PPP2R5C: variants seen among roughly 807,000 people sequenced by gnomAD.
The protein encoded by PPP2R5C is protein phosphatase 2 regulatory subunit B'gamma, also known as serine/threonine-protein phosphatase 2A 56 kDa regulatory subunit gamma isoform.
A neutral mutation model predicts 68.9 loss-of-function variants in PPP2R5C; 7 were observed. The ratio of observed to expected loss-of-function variants is 0.10; its 90% CI spans 0.06 to 0.19. The LOEUF is 0.19. Among genes scored for constraint, PPP2R5C ranks in the 10% least tolerant of loss-of-function variants. The pLI, the probability that PPP2R5C is intolerant of heterozygous loss-of-function variation, is 1.00. For missense variants in PPP2R5C, 348 were observed against 641.3 expected (o/e 0.54, Z 4.94); for synonymous variants, 210 against 222.2 (o/e 0.95, Z 0.49).
intron 1 of PPP2R5C, among the ~76,000 whole-genome samples, chr14:101,852,911 T>G (rs2042243140): frequency 6.6e-6 from 1 of 152,182 alleles, no homozygotes; most frequent in African/African-American, 2.4e-5. Flanking sequence ...TCTTGAAATA[T>G]TTGGAAATTG....
At chr14:101,765,374 T>C (rs1732085143) in intron 2 of PPP2R5C, 5 of 644,944 alleles carry the variant, frequency 7.8e-6, no homozygotes, top group East Asian at 2.7e-5. Context: ...ATTATTGTTT[T>C]TTTTCCCCTC....
At chr14:101,810,994 T>C in intron 1 of PPP2R5C, among the ~76,000 whole-genome samples, 1 of 152,206 alleles carries the variant, frequency 6.6e-6, no homozygotes, top group East Asian at 1.9e-4. Flanking sequence ...CAAAACTGTT[T>C]CTCAGAATCT....
intron 1 of PPP2R5C, chr14:101,820,079 G>A (rs1249256611): frequency 6.6e-6 from 1 of 152,176 alleles, no homozygotes; most frequent in Non-Finnish European, 1.5e-5. Context: ...TATGAGAATA[G>A]TAATGTAAAA....
intron 1 of PPP2R5C, among the ~76,000 whole-genome samples, chr14:101,834,477 A>T (rs1832042344): frequency 6.6e-6 from 1 of 152,260 alleles, no homozygotes; most frequent in South Asian, 2.1e-4. Context: ...AGTTAATCTA[A>T]GGAGGCATTT....
chr14:101,865,730 C>T (rs181216443), intron 2 of PPP2R5C, among the ~76,000 whole-genome samples: 130 of 152,290 alleles, frequency 8.5e-4, no homozygotes, highest in African/African-American at 3.0e-3. Flanking sequence ...ACATGGAAAG[C>T]TTGGGCAGCC....
At chr14:101,924,352 A>G (rs923628149) in intron 13 of PPP2R5C, among the ~76,000 whole-genome samples, 2 of 151,676 alleles carry the variant, frequency 1.3e-5, no homozygotes, top group African/African-American at 4.8e-5. Context: ...AGAAGAGAGT[A>G]TATATTTTTT....
At chr14:101,884,850 T>G (rs1448246583) in intron 5 of PPP2R5C, among the ~76,000 whole-genome samples, 1 of 152,240 alleles carries the variant, frequency 6.6e-6, no homozygotes, top group Non-Finnish European at 1.5e-5. Context: ...GTCAGTTGAT[T>G]TGTCGCACGC....
At chr14:101,920,888 C>T (rs2141195357) in intron 13 of PPP2R5C, among the ~76,000 whole-genome samples, 1 of 152,086 alleles carries the variant, frequency 6.6e-6, no homozygotes, top group South Asian at 2.1e-4. Flanking sequence ...ACCTCAGCCT[C>T]CTGCAGTGCT....
At chr14:101,790,800 G>T (rs2038321358) in intron 3 of PPP2R5C, among the ~76,000 whole-genome samples, 1 of 152,342 alleles carries the variant, frequency 6.6e-6, no homozygotes, top group Non-Finnish European at 1.5e-5. Flanking sequence ...GAAACTGTTG[G>T]CTGGGCACCG....
At chr14:101,864,616 C>CG (rs2042947386) in intron 2 of PPP2R5C, among the ~76,000 whole-genome samples, 2 of 152,234 alleles carry the variant, frequency 1.3e-5, no homozygotes, top group South Asian at 4.1e-4. Context: ...TCTACACCAG[C>CG]GGCCAGTGCT....
intron 1 of PPP2R5C, among the ~76,000 whole-genome samples, chr14:101,854,094 A>G (rs959390934): frequency 6.6e-6 from 1 of 152,218 alleles, no homozygotes; most frequent in African/African-American, 2.4e-5. Context: ...TCTGAATGTG[A>G]AGAGTCCTGA....
At position 101,917,849 on chromosome 14, in the gene PPP2R5C, G is replaced by A. The variant is rs1174028790; in HGVS notation, c.1345G>A (p.Ala449Thr). The change falls in exon 13 of 14, where the codon GCC becomes ACC. Residue 449 changes from alanine to threonine, a missense_variant. Physicochemically the swap from Ala to Thr is moderately conservative, Grantham distance 58 (BLOSUM62 0). Around this residue, in one of 4 missense-constraint regions of PPP2R5C, gnomAD observed 118 missense variants for 108.9 expected, o/e 1.08. Transcript: ENST00000334743. This position sits in a 1 kb window ranked among gnomAD's most constrained non-coding sequence, Gnocchi z 4.4. Reference sequence around the variant, plus strand: ...ATTGCAGTACACAGTGTATAGTCAAGCCAGCACCATGAGCATTCCGGTTGC... The same window carrying A: ...ATTGCAGTACACAGTGTATAGTCAAACCAGCACCATGAGCATTCCGGTTGC... 18 of 1,613,708 alleles carry A rather than the reference G, an allele frequency of 1.1e-5. No homozygotes were observed. Among genetic ancestry groups the A allele is most frequent in the Middle Eastern group, 1.7e-4 (1 of 6,052 alleles).
chr14:101,836,117 A>G, intron 1 of PPP2R5C: 1 of 666,818 alleles, frequency 1.5e-6, no homozygotes, highest in South Asian at 1.6e-5. Flanking sequence ...ACAAGCAACA[A>G]TAAATAAGAA....
chr14:101,781,019 C>G lies in PPP2R5C; in HGVS notation c.94-4999C>G, dbSNP rs1016357990. On this transcript the variant is annotated intron_variant, in intron 2 of 14. Coordinates refer to the PPP2R5C transcript ENST00000328724. This position sits in a 1 kb window ranked among gnomAD's most constrained non-coding sequence, Gnocchi z 6.4. ...TAAGCTAAGGATGCGCCAGCTCGGC[C>G]TGAACCATGGAATGCAGCGTGGGGC... Among the ~76,000 whole-genome samples the G allele has an allele frequency of 1.3e-5, 2 of 152,216 alleles. No individual in the cohort carries two copies. Among genetic ancestry groups the G allele is most frequent in the Non-Finnish European group, 1.5e-5 (1 of 68,032 alleles).
At chr14:101,884,223 C>T (rs1253295218) in intron 5 of PPP2R5C, among the ~76,000 whole-genome samples, 2 of 152,218 alleles carry the variant, frequency 1.3e-5, no homozygotes, top group East Asian at 3.9e-4. Flanking sequence ...AGCCCTTCCA[C>T]GTTCCTCTGC....
At chr14:101,765,094 G>A (rs2036781450) in intron 2 of PPP2R5C, 2 of 694,474 alleles carry the variant, frequency 2.9e-6, no homozygotes, top group Non-Finnish European at 5.3e-6. Flanking sequence ...TGTGAGACCT[G>A]CGGTGTGGCC....
chr14:101,778,716 C>A (rs2037539663), intron 2 of PPP2R5C, among the ~76,000 whole-genome samples: 1 of 152,178 alleles, frequency 6.6e-6, no homozygotes, highest in African/African-American at 2.4e-5. Context: ...ATCTGTATGT[C>A]TGTCCTTATG....
chr14:101,898,731 A>G (rs2045507715), intron 8 of PPP2R5C, among the ~76,000 whole-genome samples: 1 of 152,184 alleles, frequency 6.6e-6, no homozygotes, highest in Non-Finnish European at 1.5e-5. Flanking sequence ...CTGCACAGAT[A>G]ATGTAATAGT....
intron 2 of PPP2R5C, among the ~76,000 whole-genome samples, chr14:101,863,945 G>A (rs150050588): frequency 6.2e-4 from 94 of 152,188 alleles, no homozygotes; most frequent in African/African-American, 2.1e-3. Context: ...CTAGACCTGT[G>A]GACTCTCTGG....
Sources: gnomAD v4.1 joint callset for allele counts (sites outside exome capture counted in the v4.1 genomes callset) on GRCh38, gnomAD v4.1.1 for gene constraint, gnomAD v4.1.1 regional missense constraint, Gnocchi (gnomAD v3.1) non-coding constraint, MANE v1.5 for transcripts, NCBI Gene and HGNC (gene_info 2026-07-23, HGNC 2026-07-21) for gene names.